Variants in IMMP2L observed in about 807,000 individuals in gnomAD.
IMMP2L encodes the protein mitochondrial inner membrane protease subunit 2.
A neutral mutation model predicts 19.3 loss-of-function variants in IMMP2L; 18 were observed. The ratio of observed to expected loss-of-function variants is 0.93; its 90% CI spans 0.64 to 1.38. IMMP2L has a LOEUF of 1.38. IMMP2L is among the 40% of genes most tolerant of loss of function. The pLI is 0.00. For synonymous variants in IMMP2L, 76 were observed against 73.0 expected (o/e 1.04, Z -0.21); for missense variants, 233 against 218.2 (o/e 1.07, Z -0.43).
chr7:111,221,442 A>G (rs1812499320), intron 3 of IMMP2L, among the ~76,000 whole-genome samples: 1 of 152,032 alleles, frequency 6.6e-6, no homozygotes, highest in South Asian at 2.1e-4. Flanking sequence ...TTTTAAGACT[A>G]GCAAACAAAA....
At chr7:111,391,800 T>G in intron 3 of IMMP2L, 1 of 684,382 alleles carries the variant, frequency 1.5e-6, no homozygotes, top group Non-Finnish European at 2.7e-6. Flanking sequence ...CAAGGAAACC[T>G]GAATAGAGGT....
intron 3 of IMMP2L, among the ~76,000 whole-genome samples, chr7:111,036,136 T>G (rs977235527): frequency 1.3e-5 from 2 of 152,232 alleles, no homozygotes; most frequent in African/African-American, 4.8e-5. Flanking sequence ...ATTTTAGAAC[T>G]AGTAAAAACT....
intron 3 of IMMP2L, among the ~76,000 whole-genome samples, chr7:110,990,767 A>G (rs1822371754): frequency 6.6e-6 from 1 of 152,174 alleles, no homozygotes; most frequent in Non-Finnish European, 1.5e-5. Context: ...AAACCTGGGA[A>G]CACCATTTCT....
chr7:111,136,491 C>T (rs1802362375), intron 3 of IMMP2L, among the ~76,000 whole-genome samples: 1 of 152,160 alleles, frequency 6.6e-6, no homozygotes, highest in Non-Finnish European at 1.5e-5. Context: ...ATTGATTATG[C>T]TAGCCTTTCT....
At chr7:110,840,453 A>G (rs1399154940) in intron 5 of IMMP2L, among the ~76,000 whole-genome samples, 1 of 152,170 alleles carries the variant, frequency 6.6e-6, no homozygotes, top group Non-Finnish European at 1.5e-5. Flanking sequence ...ACAGTTTACA[A>G]TCTGGAAAAG....
At chr7:111,052,736 T>G (rs1175181523) in intron 3 of IMMP2L, among the ~76,000 whole-genome samples, 2 of 152,112 alleles carry the variant, frequency 1.3e-5, no homozygotes, top group Admixed American at 6.5e-5. Flanking sequence ...TTTTATAGAG[T>G]TTGACTTTTT....
intron 5 of IMMP2L, among the ~76,000 whole-genome samples, chr7:110,813,693 C>G (rs1802216470): frequency 6.6e-6 from 1 of 151,396 alleles, no homozygotes; most frequent in Admixed American, 6.6e-5. Context: ...AATAAGAAAG[C>G]TAAGAAGTAT....
At chr7:111,284,346 C>G (rs1347809718) in intron 3 of IMMP2L, among the ~76,000 whole-genome samples, 1 of 152,104 alleles carries the variant, frequency 6.6e-6, no homozygotes, top group Admixed American at 6.6e-5. Flanking sequence ...TGAAAGAAGC[C>G]TTAACATCCT....
intron 3 of IMMP2L, among the ~76,000 whole-genome samples, chr7:111,115,000 G>A (rs1385938488): frequency 1.3e-5 from 2 of 151,810 alleles, no homozygotes; most frequent in East Asian, 3.9e-4. Flanking sequence ...ATAACCTGAA[G>A]CAAATTTTCC....
intron 3 of IMMP2L, among the ~76,000 whole-genome samples, chr7:111,005,623 G>A (rs1397666060): frequency 6.6e-6 from 1 of 152,128 alleles, no homozygotes. Flanking sequence ...CTGTGTTCCT[G>A]TAAGGGTGTC....
At chr7:111,451,591 T>C (rs10235005) in intron 3 of IMMP2L, among the ~76,000 whole-genome samples, 14,187 of 136,396 alleles carry the variant, frequency 0.1, 971 homozygotes, top group African/African-American at 0.21. Context: ...AGGGATAGCA[T>C]TGGGAGATAT....
intron 3 of IMMP2L, among the ~76,000 whole-genome samples, chr7:111,321,969 T>A (rs910650191): frequency 6.6e-6 from 1 of 151,982 alleles, no homozygotes; most frequent in African/African-American, 2.4e-5. Flanking sequence ...AAATGCCATA[T>A]GTTAAAACTC....
At chr7:111,487,974 C>T (rs1027381413) in intron 2 of IMMP2L, among the ~76,000 whole-genome samples, 5 of 151,972 alleles carry the variant, frequency 3.3e-5, no homozygotes, top group Non-Finnish European at 7.4e-5. Context: ...GTTAATGGAT[C>T]AAGAACTGAG....
At chr7:111,505,091 T>C (rs1371151119) in intron 2 of IMMP2L, among the ~76,000 whole-genome samples, 1 of 151,728 alleles carries the variant, frequency 6.6e-6, no homozygotes, top group Non-Finnish European at 1.5e-5. Context: ...AGGGCTAATA[T>C]CCAGAATCTA....
At chr7:110,833,654 T>A (rs1804175079) in intron 5 of IMMP2L, among the ~76,000 whole-genome samples, 2 of 152,248 alleles carry the variant, frequency 1.3e-5, no homozygotes, top group African/African-American at 4.8e-5. Flanking sequence ...ATGACTTTTT[T>A]AAATAAAATA....
intron 3 of IMMP2L, among the ~76,000 whole-genome samples, chr7:111,036,356 G>A (rs1791355228): frequency 6.6e-6 from 1 of 152,014 alleles, no homozygotes; most frequent in African/African-American, 2.4e-5. Flanking sequence ...TCCCCTTTGG[G>A]GCCTCAGCTT....
intron 3 of IMMP2L, among the ~76,000 whole-genome samples, chr7:111,383,408 A>C (rs573063651): frequency 6.6e-6 from 1 of 152,162 alleles, no homozygotes; most frequent in South Asian, 2.1e-4. Context: ...GATTAAAAAG[A>C]ATCTCTTGGC....
At chr7:111,328,825 T>C (rs1768253823) in intron 3 of IMMP2L, among the ~76,000 whole-genome samples, 1 of 151,812 alleles carries the variant, frequency 6.6e-6, no homozygotes, top group Admixed American at 6.6e-5. Flanking sequence ...TTACTAAACA[T>C]ACATAGTTTT....
intron 3 of IMMP2L, among the ~76,000 whole-genome samples, chr7:111,208,384 A>T (rs915895522): frequency 7.9e-5 from 12 of 152,192 alleles, no homozygotes; most frequent in Non-Finnish European, 1.6e-4. Flanking sequence ...AGAATTCCAA[A>T]ATCAAAGCAA....
Sources: gnomAD v4.1 joint callset for allele counts (sites outside exome capture counted in the v4.1 genomes callset) on GRCh38, gnomAD v4.1.1 for gene constraint, MANE v1.5 for transcripts, NCBI Gene and HGNC (gene_info 2026-07-23, HGNC 2026-07-21) for gene names.